The following DQX1 variants were observed in gnomAD, a reference collection of about 807,000 sequenced individuals.
The protein encoded by DQX1 is DEAQ-box RNA dependent ATPase 1, also known as ATP-dependent RNA helicase homolog DQX1.
Under a neutral mutation model 81.3 loss-of-function variants are expected in DQX1, and 66 were observed. The ratio of observed to expected loss-of-function variants is 0.81; its 90% CI spans 0.67 to 1.00. DQX1 has a LOEUF of 1.00. Ranked by LOEUF, DQX1 falls within the 50% of genes least tolerant of loss-of-function variation. The pLI is 0.00. For missense variants in DQX1, 798 were observed against 867.9 expected, an observed-to-expected ratio of 0.92 and a Z score of 1.01; for synonymous variants, 290 against 350.0, an observed-to-expected ratio of 0.83 and a Z score of 1.91.
Position 74,519,236 on chromosome 2 carries a change from T to G in DQX1, c.1807-6A>C. The G allele has an allele frequency of 6.5e-7, 1 of 1,546,344 alleles. No individual in the cohort carries two copies. Among genetic ancestry groups the G allele is most frequent in the Non-Finnish European group, 8.7e-7 (1 of 1,147,650 alleles). ...CCGTCTGTGTCTCTGGCCACCTTAT[T>G]GAAAGGCAGAAATATTGACGGAATA... On this transcript the variant is annotated splice_polypyrimidine_tract_variant and splice_region_variant and intron_variant, in intron 10 of 11. Coordinates refer to ENST00000404568, the MANE Select transcript of DQX1 (RefSeq NM_133637.3).
At chr2:74,520,662 GT>G (rs889499377) in intron 8 of DQX1, among the ~76,000 whole-genome samples, 1 of 151,124 alleles carries the variant, frequency 6.6e-6, no homozygotes, top group Admixed American at 6.6e-5. Context: ...GAGTTGTGGG[GT>G]TTTTTTTGTT....
intron 6 of DQX1, 22 bp from the exon 7 acceptor site, chr2:74,523,036 AAAG>A (rs1675072507): frequency 2.5e-6 from 4 of 1,613,814 alleles, no homozygotes; most frequent in African/African-American, 1.3e-5. Context: ...AAGACCTGGG[AAAG>A]AAGACCACTG....
rs199667945 is a variant in DQX1, at chr2:74,520,008, G to C, written c.1522C>G (p.Leu508Val). The stretch of plus-strand genomic sequence containing the variant: ...CGCAGGGCAGCTTCTTCTGCACTGA[G>C]TGGAGGACGGGTAAACCCAGGGGCA... ...TAAPGFTRPP[L>V]SAEEAALRRA... is the part of the protein sequence containing the mutation. The change falls in exon 9 of 12, where the codon CTC (leucine) becomes GTC (valine). Residue 508 changes from leucine to valine, a missense_variant. By Grantham distance (32) the Leu-to-Val change is conservative. Transcript: ENST00000404568. 1 of 1,613,808 alleles carries C rather than the reference G, an allele frequency of 6.2e-7. No homozygotes were observed. Among genetic ancestry groups the C allele is most frequent in the Non-Finnish European group, 8.5e-7 (1 of 1,179,804 alleles).
intron 9 of DQX1, 58 bp downstream of exon 9, chr2:74,519,857 G>C: frequency 3.1e-6 from 5 of 1,601,742 alleles, no homozygotes; most frequent in South Asian, 1.1e-5. Context: ...TCAGCTGGCT[G>C]CATAAAATTT....
intron 8 of DQX1, among the ~76,000 whole-genome samples, chr2:74,520,993 G>A (rs1274590801): frequency 1.3e-5 from 2 of 152,174 alleles, no homozygotes; most frequent in Admixed American, 6.5e-5. Context: ...TTTTAAGTAA[G>A]AGAGTCCATG....
rs1014984499 is a variant in DQX1 at position 74,525,539 on chromosome 2, C to T, written c.191G>A (p.Gly64Glu). Reference protein sequence around the residue: ...FLEQLESNPTGVVLVSGEPGS... With the variant: ...FLEQLESNPTEVVLVSGEPGS... ...AGGCTCCCCAGACACCAGCACCACT[C>T]CAGTGGGGTTACTCTCCAACTGCTC... Residue 64 changes from glycine (G) to glutamate (E), a missense_variant, in exon 2 of 12, where the codon GGA (glycine) becomes GAA (glutamate). Transcript: ENST00000404568. The surrounding 1 kb of genome is among the most constrained non-coding windows in gnomAD (Gnocchi z 4.1). The T allele has an allele frequency of 1.3e-6, 2 of 1,552,268 alleles. No homozygotes were observed. The highest frequency in any genetic ancestry group is 3.9e-5 in the Admixed American group (2 of 51,008).
At position 74,522,572 on chromosome 2, in the gene DQX1, AT is replaced by A; in HGVS notation, c.1495+7del. 1 of 1,611,174 alleles carries A rather than the reference AT, an allele frequency of 6.2e-7. No individual in the cohort carries two copies. Among genetic ancestry groups the A allele is most frequent in the Non-Finnish European group, 8.5e-7 (1 of 1,178,436 alleles). ...CAAGAGCTATGGATTTACAGCAGCG[AT>A]TTATACCTGTGAGCATGGCAGCCAG... is the stretch of plus-strand genomic sequence containing the variant. On this transcript the variant is annotated splice_region_variant and intron_variant, in intron 8 of 11. Transcript: ENST00000404568.
rs531219218 is a variant in DQX1 at position 74,521,761 on chromosome 2, C to G, written c.1495+819G>C. On this transcript the variant is annotated intron_variant, in intron 8 of 11. Transcript: ENST00000404568. ...TCTCTCCCCCTCTCCCCCTCTTTCCCTCTCCCTCTCTCCCCCTCTTTCCCT... is the reference window on the plus strand; with the variant it reads ...TCTCTCCCCCTCTCCCCCTCTTTCCGTCTCCCTCTCTCCCCCTCTTTCCCT... Among the ~76,000 whole-genome samples, 6 of 135,476 alleles carry G rather than the reference C, an allele frequency of 4.4e-5. No individual in the cohort carries two copies. The East Asian group carries it at 7.9e-4, about 18-fold the overall frequency. 88.9% of individuals were successfully genotyped at this position (135,476 alleles called of 152,430 possible). A position where few individuals can be genotyped will look rare whatever the true frequency, so the allele number is the denominator to read the frequency against.
intron 8 of DQX1, among the ~76,000 whole-genome samples, chr2:74,521,070 A>G (rs956240648): frequency 3.3e-5 from 5 of 152,182 alleles, no homozygotes; most frequent in African/African-American, 1.2e-4. Context: ...AATGAGGAGG[A>G]CCTACCATTG....
At chr2:74,519,510 G>A in intron 10 of DQX1, 46 bp downstream of exon 10, 2 of 1,591,410 alleles carry the variant, frequency 1.3e-6, no homozygotes, top group Non-Finnish European at 1.7e-6. Flanking sequence ...TGTTCTCTTT[G>A]CCTTTTGCTC....
intron 4 of DQX1, 40 bp from the exon 5 acceptor site, chr2:74,523,577 C>T (rs768926128): frequency 4.5e-5 from 72 of 1,586,174 alleles, no homozygotes; most frequent in Middle Eastern, 1.7e-4. Context: ...GCAGTTCTCA[C>T]GTTTTTTGGG....
Position 74,525,791 on chromosome 2 carries a change from G to A in DQX1, c.-19-43C>T, listed in dbSNP as rs757330672. ...GCCAGTAAGGTCATATTTGGTGACCGACACCATCTTCCCACCTCAGCCCTG... is the reference window on the plus strand; with the variant it reads ...GCCAGTAAGGTCATATTTGGTGACCAACACCATCTTCCCACCTCAGCCCTG... On this transcript the variant is annotated intron_variant, in intron 1 of 11. Coordinates refer to ENST00000404568, the MANE Select transcript of DQX1 (RefSeq NM_133637.3). The surrounding 1 kb of genome is among the most constrained non-coding windows in gnomAD (Gnocchi z 4.1). 3.7e-5 allele frequency: 51 copies of A among 1,377,436 alleles called. No individual in the cohort carries two copies. The highest frequency in any genetic ancestry group is 1.3e-4 in the South Asian group (10 of 75,598). 85.3% of individuals were successfully genotyped at this position (1,377,436 alleles called of 1,614,324 possible). A position where few individuals can be genotyped will look rare whatever the true frequency, so the allele number is the denominator to read the frequency against.
At position 74,522,610 on chromosome 2, in the gene DQX1, C is replaced by T. The variant is rs755763286; in HGVS notation, c.1465G>A (p.Glu489Lys). Residue 489 changes from glutamate (E) to lysine (K), a missense_variant, in exon 8 of 12, where the codon GAG becomes AAG. Physicochemically the swap from Glu to Lys is moderately conservative, Grantham distance 56. Transcript: ENST00000404568. ...LASCEFDCVD[E>K]MLTLAAMLTA... Reference sequence around the variant, plus strand: ...AGCATGGCAGCCAGGGTGAGCATCTCGTCCACACAGTCAAACTCGCATGAG... The same window carrying T: ...AGCATGGCAGCCAGGGTGAGCATCTTGTCCACACAGTCAAACTCGCATGAG... 5.3e-5 allele frequency: 85 copies of T among 1,613,896 alleles called. No homozygotes were observed. The highest frequency in any genetic ancestry group is 6.8e-5 in the Non-Finnish European group (80 of 1,179,962).
rs771098099 is a variant in DQX1, at chr2:74,525,492, C to T, written c.237+1G>A. On this transcript the variant is annotated splice_donor_variant, in intron 2 of 11. Transcript: ENST00000404568. LOFTEE classifies it high-confidence loss of function. This position sits in a 1 kb window ranked among gnomAD's most constrained non-coding sequence, Gnocchi z 4.1. Reference sequence around the variant, plus strand: ...GCCTGCCCCCACAACCCCCACCACACCTGGGTGCTCTTGCCAGAACCAGGC... The same window carrying T: ...GCCTGCCCCCACAACCCCCACCACATCTGGGTGCTCTTGCCAGAACCAGGC... 6.9e-5 allele frequency: 107 copies of T among 1,552,150 alleles called. 2 individuals carry two copies. In the East Asian group the frequency reaches 2.6e-3, roughly 38 times the overall value.
chr2:74,523,884 T>C (rs1675104604), intron 4 of DQX1, 39 bp downstream of exon 4: 1 of 1,492,976 alleles, frequency 6.7e-7, no homozygotes. Flanking sequence ...TGCAGGCTCA[T>C]TTTGCAGGCT....
chr2:74,523,262 G>C (rs1301950712), intron 5 of DQX1, 44 bp from the exon 6 acceptor site: 6 of 1,613,758 alleles, frequency 3.7e-6, no homozygotes, highest in East Asian at 4.5e-5. Flanking sequence ...ATCAGAGTGG[G>C]CCATTTCTGT....
At position 74,525,707 on chromosome 2, in the gene DQX1, A is replaced by T. The variant is rs1260190735; in HGVS notation, c.23T>A (p.Leu8Gln). 6.4e-7 allele frequency: 1 copy of T among 1,551,698 alleles called. No individual in the cohort carries two copies. The highest frequency in any genetic ancestry group is 1.4e-5 in the African/African-American group (1 of 73,178). ...AGGACTTGGGCCATACTCTTCTGCT[A>T]GCCTGAGAGGCTGAGAGGTCATGGT... is the stretch of plus-strand genomic sequence containing the variant. MTSQPLR[L>Q]AEEYGPSPGE... Residue 8 changes from leucine (L) to glutamine (Q), a missense_variant, in exon 2 of 12, where the codon CTA becomes CAA. By Grantham distance (113) the Leu-to-Gln change is moderately radical. Coordinates refer to ENST00000404568, the MANE Select transcript of DQX1 (RefSeq NM_133637.3). The surrounding 1 kb of genome is among the most constrained non-coding windows in gnomAD (Gnocchi z 4.1).
rs749907332 is a variant in DQX1 at position 74,523,468 on chromosome 2, G to A, written c.886C>T (p.Arg296Ter). The change falls in exon 5 of 12, where the codon CGA (arginine) becomes TGA (stop). Residue 296 changes from arginine (R) to a stop codon, truncating the protein, a stop_gained. Coordinates refer to ENST00000404568, the MANE Select transcript of DQX1 (RefSeq NM_133637.3). LOFTEE classifies it high-confidence loss of function. ...ESLLLQGLPPRVLPLHPDCGR... is the reference protein window; with the variant it reads ...ESLLLQGLPP ...CAGTCTGGGTGAAGGGGCAGTACTC[G>A]TGGTGGAAGCCCTTGGAGAAGCAAG... The A allele has an allele frequency of 2.3e-5, 37 of 1,613,744 alleles. No individual in the cohort carries two copies. The highest frequency in any genetic ancestry group is 1.2e-4 in the Admixed American group (7 of 59,980).
Position 74,519,753 on chromosome 2 carries a change from G to A in DQX1, c.1616-7C>T. On this transcript the variant is annotated splice_polypyrimidine_tract_variant and splice_region_variant and intron_variant, in intron 9 of 11. Coordinates refer to ENST00000404568, the MANE Select transcript of DQX1 (RefSeq NM_133637.3). ...CAAGCCTCATCTGCTCCACCTAGGA[G>A]AGGAAAGGGACCAGCTAAACTAAAG... The A allele has an allele frequency of 6.2e-7, 1 of 1,614,018 alleles. No individual in the cohort carries two copies. The highest frequency in any genetic ancestry group is 2.2e-5 in the East Asian group (1 of 44,882).
Sources: allele counts gnomAD v4.1 joint callset (sites outside exome capture counted in the v4.1 genomes callset), GRCh38; gene constraint gnomAD v4.1.1; non-coding constraint Gnocchi (gnomAD v3.1); transcripts MANE v1.5; gene names NCBI Gene and HGNC (gene_info 2026-07-23, HGNC 2026-07-21).